The following MAPK8IP2 variants were observed in gnomAD, a reference collection of about 807,000 sequenced individuals.
MAPK8IP2 encodes C-Jun-amino-terminal kinase-interacting protein 2.
Under a neutral mutation model 75.6 loss-of-function variants are expected in MAPK8IP2, and 15 were observed. That is an observed-to-expected ratio of 0.20 (90% CI 0.13 to 0.31). The LOEUF (loss-of-function observed/expected upper bound fraction) is 0.31. Among genes scored for constraint, MAPK8IP2 ranks in the 10% least tolerant of loss-of-function variants. MAPK8IP2 has a pLI of 1.00. For synonymous variants in MAPK8IP2, 632 were observed against 554.5 expected (o/e 1.14, Z -1.96); for missense variants, 1,089 against 1,211.2 (o/e 0.90, Z 1.50).
intron 10 of MAPK8IP2, chr22:50,609,787 A>C: frequency 1.9e-6 from 1 of 519,206 alleles, no homozygotes; most frequent in Non-Finnish European, 3.8e-6. Context: ...GACCAGGGGT[A>C]ACGTCCAGCC....
Position 50,606,682 on chromosome 22 carries a change from G to T in MAPK8IP2, c.2149G>T (p.Val717Phe), listed in dbSNP as rs370006761. Residue 717 changes from valine (V) to phenylalanine (F), a missense_variant, in exon 9 of 12, where the codon GTC becomes TTC. Physicochemically the swap from Val to Phe is conservative, Grantham distance 50 (BLOSUM62 -1). Around this residue, in one of 2 missense-constraint regions of MAPK8IP2, gnomAD observed 129 missense variants for 201.7 expected, o/e 0.64. Transcript: ENST00000329492. ...GATTGCCACTGCCCGGAAACTGACCGTCCACCTGCGCCCTCCTGCCTCCTG... is the reference window on the plus strand; with the variant it reads ...GATTGCCACTGCCCGGAAACTGACCTTCCACCTGCGCCCTCCTGCCTCCTG... ...QKIATARKLTVHLRPPASCDL... is the reference protein window; with the variant it reads ...QKIATARKLTFHLRPPASCDL... 4.4e-6 allele frequency: 7 copies of T among 1,597,518 alleles called. No individual in the cohort carries two copies. The African/African-American group carries it at 9.4e-5, about 21-fold the overall frequency.
intron 2 of MAPK8IP2, 27 bp from the exon 3 acceptor site, chr22:50,603,196 G>T: frequency 6.2e-7 from 1 of 1,612,374 alleles, no homozygotes; most frequent in Non-Finnish European, 8.5e-7. Flanking sequence ...CTCTGGCCCA[G>T]CCCTGCTATC....
At position 50,603,961 on chromosome 22, in the gene MAPK8IP2, C is replaced by G; in HGVS notation, c.662C>G (p.Ser221Trp). The G allele has an allele frequency of 6.4e-7, 1 of 1,550,462 alleles. No individual in the cohort carries two copies. Among genetic ancestry groups the G allele is most frequent in the Non-Finnish European group, 8.7e-7 (1 of 1,153,830 alleles). ...GAACCCCCTGCGCCAGGGGGGACTT[C>G]GCCCTCCTCAGATCCCGGCATCGAG... ...PAEPPAPGGT[S>W]PSSDPGIEAD... Residue 221 changes from serine to tryptophan, a missense_variant, in exon 5 of 12, where the codon TCG becomes TGG. Coordinates refer to ENST00000329492, the MANE Select transcript of MAPK8IP2 (RefSeq NM_012324.6).
chr22:50,604,388 C>T lies in MAPK8IP2; in HGVS notation c.1089C>T (p.Ser363=), dbSNP rs1381673339. 1 of 1,524,832 alleles carries T rather than the reference C, an allele frequency of 6.6e-7. No individual in the cohort carries two copies. Among genetic ancestry groups the T allele is most frequent in the African/African-American group, 1.4e-5 (1 of 71,258 alleles). The allele number at this position is 1,524,832 out of a possible 1,614,324, so 94.5% of individuals were successfully genotyped here. ...NLVSRMISEG[S]SPIRCPGQCL... is the part of the protein sequence containing the mutation. Reference sequence around the variant, plus strand: ...TGAGCCGCATGATCTCCGAGGGCTCCTCGCCCATCCGCTGCCCCGGCCAGT... The same window carrying T: ...TGAGCCGCATGATCTCCGAGGGCTCTTCGCCCATCCGCTGCCCCGGCCAGT... Residue 363 remains serine, a synonymous_variant, in exon 5 of 12, where the codon TCC becomes TCT. Transcript: ENST00000329492.
At position 50,600,859 on chromosome 22, in the gene MAPK8IP2, A is replaced by G; in HGVS notation, c.41A>G (p.His14Arg). The G allele has an allele frequency of 7.7e-7, 1 of 1,293,244 alleles. No individual in the cohort carries two copies. The allele number at this position is 1,293,244 out of a possible 1,614,324, so 80.1% of individuals were successfully genotyped here. ...RAEMFSLSTF[H>R]SLSPPGCRPP... ...GAGATGTTTTCTCTCTCCACCTTCC[A>G]CTCGCTGTCGCCGCCGGGCTGCAGG... The change falls in exon 1 of 12, where the codon CAC becomes CGC. Residue 14 changes from histidine (H) to arginine (R), a missense_variant. Physicochemically the swap from His to Arg is conservative, Grantham distance 29 (BLOSUM62 0). Around this residue, in one of 2 missense-constraint regions of MAPK8IP2, gnomAD observed 960 missense variants for 1,009.6 expected, o/e 0.95. Transcript: ENST00000329492.
At position 50,603,281 on chromosome 22, in the gene MAPK8IP2, A is replaced by G. The variant is rs759644699; in HGVS notation, c.230A>G (p.Asp77Gly). The change falls in exon 3 of 12, where the codon GAC (aspartate) becomes GGC (glycine). Residue 77 changes from aspartate to glycine, a missense_variant. Asp to Gly is a moderately conservative substitution (Grantham distance 94, BLOSUM62 -1). Coordinates refer to ENST00000329492, the MANE Select transcript of MAPK8IP2 (RefSeq NM_012324.6). ...QPHPICSFQDDFQEFEMIDDN... is the reference protein window; with the variant it reads ...QPHPICSFQDGFQEFEMIDDN... The stretch of plus-strand genomic sequence containing the variant: ...CACCCCATCTGCTCCTTCCAGGATG[A>G]CTTCCAGGAGTTTGAGATGATCGAT... 2 of 1,590,052 alleles carry G rather than the reference A, an allele frequency of 1.3e-6. No homozygotes were observed. The highest frequency in any genetic ancestry group is 1.7e-6 in the Non-Finnish European group (2 of 1,169,898).
In MAPK8IP2 at chr22:50,605,862, C is replaced by T. The variant is rs372366674; in HGVS notation, c.2052C>T (p.Asp684=). ...GCCCCTGCTGGGTGGAGCGCTTTGACGTGCAGTTCCTGGGCTCCGTGGAGG... is the reference window on the plus strand; with the variant it reads ...GCCCCTGCTGGGTGGAGCGCTTTGATGTGCAGTTCCTGGGCTCCGTGGAGG... ...KRSPCWVERF[D]VQFLGSVEVP... The change falls in exon 8 of 12, where the codon GAC becomes GAT. Residue 684 remains aspartate (D), a synonymous_variant. Transcript: ENST00000329492. 2.1e-5 allele frequency: 33 copies of T among 1,587,246 alleles called. No individual in the cohort carries two copies. The highest frequency in any genetic ancestry group is 5.4e-5 in the African/African-American group (4 of 74,384).
In MAPK8IP2 at chr22:50,603,541, T is replaced by G. The variant is rs774722395; in HGVS notation, c.447+43T>G. 41 of 1,576,200 alleles carry G rather than the reference T, an allele frequency of 2.6e-5. 1 individual carries two copies. The South Asian group carries it at 4.4e-4, about 17-fold the overall frequency. ...CAGCTCCCTGGAGCTGAGCCTGGGT[T>G]CATAGCACCTGGGCTGCAGCCAGCC... On this transcript the variant is annotated intron_variant, in intron 3 of 11. Transcript: ENST00000329492.
In MAPK8IP2 at chr22:50,604,652, C is replaced by T. The variant is rs2071010866; in HGVS notation, c.1353C>T (p.Ala451=). 2 of 1,519,646 alleles carry T rather than the reference C, an allele frequency of 1.3e-6. No homozygotes were observed. The highest frequency in any genetic ancestry group is 2.5e-5 in the East Asian group (1 of 39,972). The allele number at this position is 1,519,646 out of a possible 1,614,324, so 94.1% of individuals were successfully genotyped here. ...GTGACACCATCACGCCGCTGTGGGC[C>T]GCGCCCGGCCGCGCCGCCCGCCCGG... ...PTRDTITPLW[A]APGRAARPGR... is the part of the protein sequence containing the mutation. Residue 451 remains alanine, a synonymous_variant, in exon 5 of 12, where the codon GCC becomes GCT. Transcript: ENST00000329492.
Position 50,610,968 on chromosome 22 carries a change from G to C in MAPK8IP2, c.*189G>C. The C allele has an allele frequency of 1.8e-6, 1 of 562,952 alleles. No individual in the cohort carries two copies. Among genetic ancestry groups the C allele is most frequent in the Non-Finnish European group, 3.2e-6 (1 of 315,382 alleles). 34.9% of individuals were successfully genotyped at this position (562,952 alleles called of 1,614,324 possible). ...GCGCAGCTGTTGGGGCTGCGGGGGA[G>C]TGGAGCCCCCGTGCCCCTGCTTTTC... On this transcript the variant is annotated 3_prime_UTR_variant, in exon 12 of 12. Coordinates refer to ENST00000329492, the MANE Select transcript of MAPK8IP2 (RefSeq NM_012324.6). This position sits in a 1 kb window ranked among gnomAD's most constrained non-coding sequence, Gnocchi z 4.3.
intron 4 of MAPK8IP2, 45 bp from the exon 5 acceptor site, chr22:50,603,796 G>A (rs915342185): frequency 6.5e-7 from 1 of 1,535,716 alleles, no homozygotes; most frequent in African/African-American, 1.4e-5. Flanking sequence ...GCTGGAAGAG[G>A]CCTGGGTGGT....
Position 50,605,814 on chromosome 22 carries a change from C to T in MAPK8IP2, c.2015-11C>T, listed in dbSNP as rs756821820. 52 of 1,590,664 alleles carry T rather than the reference C, an allele frequency of 3.3e-5. No individual in the cohort carries two copies. The highest frequency in any genetic ancestry group is 4.3e-5 in the Non-Finnish European group (50 of 1,169,788). On this transcript the variant is annotated splice_polypyrimidine_tract_variant and intron_variant, in intron 7 of 11. Coordinates refer to ENST00000329492, the MANE Select transcript of MAPK8IP2 (RefSeq NM_012324.6). ...CTGCCTGACCTGGGCCCTCTGTGCC[C>T]CGCTCCCCAGGGAGTAAGCGGAGCC...
In MAPK8IP2 at chr22:50,610,178, C is replaced by T. The variant is rs761924388; in HGVS notation, c.2304-34C>T. ...TGGGGTGGCCAAGGCTGGGCCAGGG[C>T]TCTGACGTGCCCTCCACACTGACTT... On this transcript the variant is annotated intron_variant, in intron 10 of 11. Transcript: ENST00000329492. The surrounding 1 kb of genome is among the most constrained non-coding windows in gnomAD (Gnocchi z 4.3). 5 of 1,535,074 alleles carry T rather than the reference C, an allele frequency of 3.3e-6. No individual in the cohort carries two copies. The East Asian group carries it at 1.2e-4, about 36-fold the overall frequency.
chr22:50,606,375 G>A (rs755391248), intron 8 of MAPK8IP2, among the ~76,000 whole-genome samples: 1 of 44,408 alleles, frequency 2.3e-5, no homozygotes, highest in African/African-American at 6.5e-5. Context: ...AGCCCAGGGC[G>A]GGTGAGGTCT....
At position 50,610,791 on chromosome 22, in the gene MAPK8IP2, C is replaced by A; in HGVS notation, c.*12C>A. The stretch of plus-strand genomic sequence containing the variant: ...TCTACCTGGAGTAGCCTGCCCACCG[C>A]TCTGTCTCCTGGCCGTCTGCTCCAG... On this transcript the variant is annotated 3_prime_UTR_variant, in exon 12 of 12. Coordinates refer to ENST00000329492, the MANE Select transcript of MAPK8IP2 (RefSeq NM_012324.6). This position sits in a 1 kb window ranked among gnomAD's most constrained non-coding sequence, Gnocchi z 4.3. 6.3e-7 allele frequency: 1 copy of A among 1,597,548 alleles called. No homozygotes were observed. The highest frequency in any genetic ancestry group is 8.5e-7 in the Non-Finnish European group (1 of 1,172,706).
rs1310546466 is a variant in MAPK8IP2 at position 50,606,669 on chromosome 22, C to T, written c.2136C>T (p.Ala712=). 25 of 1,594,974 alleles carry T rather than the reference C, an allele frequency of 1.6e-5. No individual in the cohort carries two copies. Among genetic ancestry groups the T allele is most frequent in the Non-Finnish European group, 2.0e-5 (24 of 1,171,012 alleles). The change falls in exon 9 of 12, where the codon GCC becomes GCT. Residue 712 remains alanine (A), a synonymous_variant. Transcript: ENST00000329492. ...LCAAMQKIAT[A]RKLTVHLRPP... ...AACTTCTTCTGTAGATTGCCACTGC[C>T]CGGAAACTGACCGTCCACCTGCGCC...
chr22:50,611,166 T>A lies in MAPK8IP2; in HGVS notation c.*387T>A, dbSNP rs543773994. On this transcript the variant is annotated 3_prime_UTR_variant, in exon 12 of 12. Coordinates refer to ENST00000329492, the MANE Select transcript of MAPK8IP2 (RefSeq NM_012324.6). The surrounding 1 kb of genome is among the most constrained non-coding windows in gnomAD (Gnocchi z 5.5). ...GGTGCGGCTCTAGGGACAGGTAATG[T>A]CGGCTTCCAAGTGATGCCCTCCTGC... 262 of 187,834 alleles carry A rather than the reference T, an allele frequency of 1.4e-3. 1 individual carries two copies. Among genetic ancestry groups the A allele is most frequent in the African/African-American group, 4.8e-3 (205 of 42,888 alleles). The allele number at this position is 187,834 out of a possible 1,614,324, so 11.6% of individuals were successfully genotyped here. A position where few individuals can be genotyped will look rare whatever the true frequency, so the allele number is the denominator to read the frequency against.
At chr22:50,603,588 G>A in intron 3 of MAPK8IP2, 38 bp from the exon 4 acceptor site, 3 of 1,582,778 alleles carry the variant, frequency 1.9e-6, no homozygotes, top group Non-Finnish European at 1.7e-6. Context: ...CTGGGAGCTG[G>A]CCCTCCTCAG....
rs1234150965 is a variant in MAPK8IP2, at chr22:50,601,734, T to C, written c.66-55T>C. 7.1e-6 allele frequency: 10 copies of C among 1,412,650 alleles called. No homozygotes were observed. The East Asian group carries it at 2.3e-4, about 32-fold the overall frequency. The allele number at this position is 1,412,650 out of a possible 1,614,324, so 87.5% of individuals were successfully genotyped here. A position where few individuals can be genotyped will look rare whatever the true frequency, so the allele number is the denominator to read the frequency against. The stretch of plus-strand genomic sequence containing the variant: ...TCCCTCTGCCCCTCCTCAGGGCCAG[T>C]TGCCAGGCAGGGAGTCCAGGGTTGG... On this transcript the variant is annotated intron_variant, in intron 1 of 11. Transcript: ENST00000329492.
Sources: gnomAD v4.1 joint callset for allele counts (sites outside exome capture counted in the v4.1 genomes callset) on GRCh38, gnomAD v4.1.1 for gene constraint, gnomAD v4.1.1 regional missense constraint, Gnocchi (gnomAD v3.1) non-coding constraint, MANE v1.5 for transcripts, NCBI Gene and HGNC (gene_info 2026-07-23, HGNC 2026-07-21) for gene names.